Variants in HHIPL1 observed in about 807,000 individuals in gnomAD.
HHIPL1 encodes the protein HHIP-like protein 1.
Under a neutral mutation model 61.8 loss-of-function variants are expected in HHIPL1, and 43 were observed. The observed-to-expected ratio is 0.70, with a 90% CI of 0.55 to 0.90. The LOEUF (loss-of-function observed/expected upper bound fraction) is 0.90. HHIPL1 is among the 40% of genes least tolerant of loss of function. HHIPL1 has a pLI of 0.00. For synonymous variants in HHIPL1, 482 were observed against 515.8 expected (o/e 0.93, Z 0.89); for missense variants, 1,056 against 1,157.7 (o/e 0.91, Z 1.28).
rs1271493929 is a variant in HHIPL1, at chr14:99,675,586, A to G, written c.2309A>G (p.Asp770Gly). 6.5e-7 allele frequency: 1 copy of G among 1,532,788 alleles called. No homozygotes were observed. The highest frequency in any genetic ancestry group is 8.7e-7 in the Non-Finnish European group (1 of 1,143,408). The allele number at this position is 1,532,788 out of a possible 1,614,324, so 94.9% of individuals were successfully genotyped here. A position where few individuals can be genotyped will look rare whatever the true frequency, so the allele number is the denominator to read the frequency against. The change falls in exon 9 of 9, where the codon GAT becomes GGT. Residue 770 changes from aspartate (D) to glycine (G), a missense_variant. Transcript: ENST00000330710. This position sits in a 1 kb window ranked among gnomAD's most constrained non-coding sequence, Gnocchi z 5.4. ...VGTHNCEHDE[D>G]AGVVCSHQNP... ...ACCCACAACTGCGAGCACGACGAGGATGCGGGCGTCGTGTGCAGCCACCAG... is the reference window on the plus strand; with the variant it reads ...ACCCACAACTGCGAGCACGACGAGGGTGCGGGCGTCGTGTGCAGCCACCAG...
chr14:99,647,742 G>C (rs2055864916), intron 1 of HHIPL1, among the ~76,000 whole-genome samples: 1 of 152,206 alleles, frequency 6.6e-6, no homozygotes, highest in African/African-American at 2.4e-5. Context: ...TTTCCACACG[G>C]GGAGGTGGTG....
the HHIPL1 span, among the ~76,000 whole-genome samples, chr14:99,637,196 GA>G: frequency 1.7e-4 from 19 of 113,260 alleles, 1 homozygote; most frequent in African/African-American, 6.0e-4. Context: ...ATGGAAGAAA[GA>G]AAGGAAGAAA....
At chr14:99,621,764 G>A in the HHIPL1 span, among the ~76,000 whole-genome samples, 2 of 122,624 alleles carry the variant, frequency 1.6e-5, no homozygotes, top group Non-Finnish European at 3.2e-5. Context: ...TGCCCAGGCT[G>A]GAGTGCAGTG....
chr14:99,611,748 T>C, the HHIPL1 span, among the ~76,000 whole-genome samples: 1 of 151,990 alleles, frequency 6.6e-6, no homozygotes, highest in Admixed American at 6.6e-5. Flanking sequence ...GTTGTTTTTT[T>C]TTTTTCCTAT....
At position 99,659,744 on chromosome 14, in the gene HHIPL1, A is replaced by C; in HGVS notation, c.1363A>C (p.Asn455His). The C allele has an allele frequency of 7.0e-7, 1 of 1,433,696 alleles. No individual in the cohort carries two copies. The highest frequency in any genetic ancestry group is 9.1e-7 in the Non-Finnish European group (1 of 1,098,920). 88.8% of individuals were successfully genotyped at this position (1,433,696 alleles called of 1,614,324 possible). A position where few individuals can be genotyped will look rare whatever the true frequency, so the allele number is the denominator to read the frequency against. Reference sequence around the variant, plus strand: ...GTGCTACGACCGCAGCCTGTGCGCCAACACCTCTCTCAGTGAGTGCCCGCG... The same window carrying C: ...GTGCTACGACCGCAGCCTGTGCGCCCACACCTCTCTCAGTGAGTGCCCGCG... ...FECYDRSLCA[N>H]TSLNDLLPIF... Residue 455 changes from asparagine (N) to histidine (H), a missense_variant, in exon 4 of 9, where the codon AAC becomes CAC. Asn to His is a moderately conservative substitution (Grantham distance 68). Coordinates refer to ENST00000330710, the MANE Select transcript of HHIPL1 (RefSeq NM_001127258.3).
the HHIPL1 span, among the ~76,000 whole-genome samples, chr14:99,639,385 T>A: frequency 5.9e-5 from 9 of 152,202 alleles, no homozygotes. Flanking sequence ...GGTCTCGCAC[T>A]GTCACCCAGG....
chr14:99,659,681 G>C lies in HHIPL1; in HGVS notation c.1300G>C (p.Gly434Arg). Reference sequence around the variant, plus strand: ...CGAGGAGGTGGACGTGGTGGAGCGCGGCGGCAACTATGGCTGGCGCGCGCG... The same window carrying C: ...CGAGGAGGTGGACGTGGTGGAGCGCCGCGGCAACTATGGCTGGCGCGCGCG... ...KFEEVDVVER[G>R]GNYGWRAREG... Residue 434 changes from glycine (G) to arginine (R), a missense_variant, in exon 4 of 9, where the codon GGC (glycine) becomes CGC (arginine). Coordinates refer to ENST00000330710, the MANE Select transcript of HHIPL1 (RefSeq NM_001127258.3). 3 of 1,533,638 alleles carry C rather than the reference G, an allele frequency of 2.0e-6. No individual in the cohort carries two copies. Among genetic ancestry groups the C allele is most frequent in the Non-Finnish European group, 2.6e-6 (3 of 1,145,162 alleles).
intron 2 of HHIPL1, among the ~76,000 whole-genome samples, chr14:99,654,872 G>A (rs1232180883): frequency 1.3e-5 from 2 of 152,198 alleles, no homozygotes; most frequent in African/African-American, 4.8e-5. Flanking sequence ...GAGATGGAGG[G>A]ACAGAATGGA....
chr14:99,626,292 A>G, the HHIPL1 span, among the ~76,000 whole-genome samples: 167 of 144,542 alleles, frequency 1.2e-3, 1 homozygote, highest in African/African-American at 4.3e-3. Flanking sequence ...GTGTGTGTGT[A>G]TGCATGTGTG....
chr14:99,628,815 T>C, the HHIPL1 span, among the ~76,000 whole-genome samples: 1 of 152,074 alleles, frequency 6.6e-6, no homozygotes, highest in Non-Finnish European at 1.5e-5. Flanking sequence ...CGGGCCTCAG[T>C]TTCCCTGTGG....
At chr14:99,628,647 T>C in the HHIPL1 span, among the ~76,000 whole-genome samples, 14 of 151,284 alleles carry the variant, frequency 9.3e-5, no homozygotes, top group African/African-American at 3.4e-4. Context: ...GGTAAGCATG[T>C]ATTTTCTTTC....
the HHIPL1 span, among the ~76,000 whole-genome samples, chr14:99,617,350 CG>C: frequency 7.2e-5 from 11 of 152,062 alleles, no homozygotes; most frequent in Non-Finnish European, 1.3e-4. Flanking sequence ...GGAGGGGAGG[CG>C]GGAGTGGGAG....
intron 3 of HHIPL1, among the ~76,000 whole-genome samples, chr14:99,658,994 C>T (rs551556204): frequency 2.0e-5 from 3 of 150,852 alleles, no homozygotes; most frequent in African/African-American, 7.2e-5. Flanking sequence ...ACCAAGATTC[C>T]ACAGAGTGTG....
chr14:99,652,393 T>C lies in HHIPL1; in HGVS notation c.425T>C (p.Leu142Pro). Reference protein sequence around the residue: ...DQELWALEGNLARFCRYLSLD... With the variant: ...DQELWALEGNPARFCRYLSLD... ...GAGCTCTGGGCGCTGGAGGGCAACC[T>C]TGCCAGGTTCTGCCGCTACCTGTCC... Residue 142 changes from leucine to proline, a missense_variant, in exon 2 of 9, where the codon CTT (leucine) becomes CCT (proline). Transcript: ENST00000330710. The C allele has an allele frequency of 6.2e-7, 1 of 1,614,228 alleles. No homozygotes were observed. Among genetic ancestry groups the C allele is most frequent in the Non-Finnish European group, 8.5e-7 (1 of 1,180,050 alleles).
the HHIPL1 span, among the ~76,000 whole-genome samples, chr14:99,627,879 G>C: frequency 2.6e-5 from 4 of 152,206 alleles, no homozygotes; most frequent in African/African-American, 7.2e-5. The surrounding 1 kb of genome is among the most constrained non-coding windows in gnomAD (Gnocchi z 4.4). Context: ...AGTGAGGTCA[G>C]GATGGGCTGG....
At position 99,668,433 on chromosome 14, in the gene HHIPL1, C is replaced by A; in HGVS notation, c.1730+130C>A. On this transcript the variant is annotated intron_variant, in intron 7 of 8. Coordinates refer to ENST00000330710, the MANE Select transcript of HHIPL1 (RefSeq NM_001127258.3). The surrounding 1 kb of genome is among the most constrained non-coding windows in gnomAD (Gnocchi z 4.7). ...CCATTTTCAGACAAGAACCCTGAGG[C>A]CCAGAGAGGGACGTGATTTGCCTCA... 1.5e-6 allele frequency: 1 copy of A among 657,360 alleles called. No individual in the cohort carries two copies. The highest frequency in any genetic ancestry group is 2.7e-6 in the Non-Finnish European group (1 of 364,060). 40.7% of individuals were successfully genotyped at this position (657,360 alleles called of 1,614,324 possible).
In HHIPL1 at chr14:99,677,631, G is replaced by A. The variant is rs533008856; in HGVS notation, c.*2005G>A. 6.6e-6 allele frequency: 1 copy of A among 152,450 alleles called. No homozygotes were observed. The highest frequency in any genetic ancestry group is 6.5e-5 in the Admixed American group (1 of 15,300). The allele number at this position is 152,450 out of a possible 1,614,324, so 9.4% of individuals were successfully genotyped here. On this transcript the variant is annotated 3_prime_UTR_variant, in exon 9 of 9. Coordinates refer to ENST00000330710, the MANE Select transcript of HHIPL1 (RefSeq NM_001127258.3). The surrounding 1 kb of genome is among the most constrained non-coding windows in gnomAD (Gnocchi z 4.3). ...GTGTCCCAGGCCTGTTGCCAGATGA[G>A]GCCACGCTGAGACTGGAGCCAGGGA...
rs755597803 is a variant in HHIPL1 at position 99,668,336 on chromosome 14, G to A, written c.1730+33G>A. 1.5e-6 allele frequency: 2 copies of A among 1,359,474 alleles called. No homozygotes were observed. The highest frequency in any genetic ancestry group is 4.6e-5 in the East Asian group (2 of 43,680). 84.2% of individuals were successfully genotyped at this position (1,359,474 alleles called of 1,614,324 possible). ...CCAGCCTCCAGGACAGGGAGCTCCTGCTGTCTGTCAGGCCTCTTAGCTCCA... is the reference window on the plus strand; with the variant it reads ...CCAGCCTCCAGGACAGGGAGCTCCTACTGTCTGTCAGGCCTCTTAGCTCCA... On this transcript the variant is annotated intron_variant, in intron 7 of 8. Transcript: ENST00000330710. The surrounding 1 kb of genome is among the most constrained non-coding windows in gnomAD (Gnocchi z 4.7).
At position 99,675,674 on chromosome 14, in the gene HHIPL1, A is replaced by G. The variant is rs1276670259; in HGVS notation, c.*48A>G. 2.7e-6 allele frequency: 4 copies of G among 1,461,678 alleles called. No individual in the cohort carries two copies. In the Admixed American group the frequency reaches 6.7e-5, roughly 25 times the overall value. 90.5% of individuals were successfully genotyped at this position (1,461,678 alleles called of 1,614,324 possible). Reference sequence around the variant, plus strand: ...CATCCCGCCGGCGGGGGAGCCTGGCAGGGGCCGCTCCGCCCTGTGTGCGCC... The same window carrying G: ...CATCCCGCCGGCGGGGGAGCCTGGCGGGGGCCGCTCCGCCCTGTGTGCGCC... On this transcript the variant is annotated 3_prime_UTR_variant, in exon 9 of 9. Coordinates refer to ENST00000330710, the MANE Select transcript of HHIPL1 (RefSeq NM_001127258.3). The surrounding 1 kb of genome is among the most constrained non-coding windows in gnomAD (Gnocchi z 5.4).
Sources: gnomAD v4.1 joint callset for allele counts (sites outside exome capture counted in the v4.1 genomes callset) on GRCh38, gnomAD v4.1.1 for gene constraint, Gnocchi (gnomAD v3.1) non-coding constraint, MANE v1.5 for transcripts, NCBI Gene and HGNC (gene_info 2026-07-23, HGNC 2026-07-21) for gene names.